ANKAR: variants seen among roughly 807,000 people sequenced by gnomAD.
ANKAR encodes ankyrin and armadillo repeat-containing protein.
Under a neutral mutation model 146.2 loss-of-function variants are expected in ANKAR, and 136 were observed. The ratio of observed to expected loss-of-function variants is 0.93; its 90% confidence interval spans 0.81 to 1.07. The LOEUF (loss-of-function observed/expected upper bound fraction) is 1.07, where lower values mean the gene tolerates loss of function less well. Among genes scored for constraint, ANKAR ranks in the 50% least tolerant of loss-of-function variants. The pLI, the probability that ANKAR is intolerant of heterozygous loss-of-function variation, is 0.00. For synonymous variants in ANKAR, 500 were observed against 575.8 expected (o/e 0.87, Z 1.88); for missense variants, 1,567 against 1,679.9 (o/e 0.93, Z 1.18).
intron 2 of ANKAR, among the ~76,000 whole-genome samples, chr2:189,681,926 T>C (rs2034752771): frequency 6.6e-6 from 1 of 152,222 alleles, no homozygotes; most frequent in Non-Finnish European, 1.5e-5. Flanking sequence ...TTGGCTTATC[T>C]CTACTGCAAC....
At position 189,715,326 on chromosome 2, in the gene ANKAR, C is replaced by A. The variant is rs1472250799; in HGVS notation, c.2224+4173C>A. ...CTATAAACACCCCTACACAAATAAACCAGAAAATCTAGAAGAAATGGATAA... is the reference window on the plus strand; with the variant it reads ...CTATAAACACCCCTACACAAATAAAACAGAAAATCTAGAAGAAATGGATAA... On this transcript the variant is annotated intron_variant, in intron 10 of 22. Transcript: ENST00000684021. 2.0e-5 allele frequency among the ~76,000 whole-genome samples: 3 copies of A among 152,130 alleles called. 1 individual carries two copies. The South Asian group carries it at 6.2e-4, about 31-fold the overall frequency.
rs1247130934 is a variant in ANKAR, at chr2:189,727,895, T to A, written c.2675T>A (p.Val892Asp). 3 of 1,613,972 alleles carry A rather than the reference T, an allele frequency of 1.9e-6. No individual in the cohort carries two copies. Among genetic ancestry groups the A allele is most frequent in the Non-Finnish European group, 2.5e-6 (3 of 1,179,926 alleles). The change falls in exon 13 of 23, where the codon GTT becomes GAT. Residue 892 changes from valine to aspartate, a missense_variant. By Grantham distance (152) the Val-to-Asp change is radical. Coordinates refer to ENST00000684021, the MANE Select transcript of ANKAR (RefSeq NM_001378068.1). ...KAVSSAAIAEVGRDNKEIQDA... is the reference protein window; with the variant it reads ...KAVSSAAIAEDGRDNKEIQDA... Reference sequence around the variant, plus strand: ...GTATCTTCTGCTGCAATTGCTGAGGTTGGGCGTGACAATAAGGAAATTCAG... The same window carrying A: ...GTATCTTCTGCTGCAATTGCTGAGGATGGGCGTGACAATAAGGAAATTCAG...
intron 5 of ANKAR, 73 bp downstream of exon 5, chr2:189,693,250 A>G: frequency 1.1e-6 from 1 of 945,402 alleles, no homozygotes; most frequent in African/African-American, 1.7e-5. Context: ...AGAAAATGAC[A>G]AAATGCAAAG....
intron 18 of ANKAR, chr2:189,755,210 T>C: frequency 6.2e-7 from 1 of 1,611,742 alleles, no homozygotes; most frequent in East Asian, 2.2e-5. Context: ...GTCCAAAGAC[T>C]TTCCAAGAAG....
rs571664932 is a variant in ANKAR, at chr2:189,715,300, A to T, written c.2224+4147A>T. Among the ~76,000 whole-genome samples the T allele has an allele frequency of 5.3e-5, 8 of 152,336 alleles. 1 individual carries two copies. The East Asian group carries it at 1.5e-3, about 29-fold the overall frequency. Reference sequence around the variant, plus strand: ...GAAATACATACTACCATCAGAGAATACTATAAACACCCCTACACAAATAAA... The same window carrying T: ...GAAATACATACTACCATCAGAGAATTCTATAAACACCCCTACACAAATAAA... On this transcript the variant is annotated intron_variant, in intron 10 of 22. Transcript: ENST00000684021.
At chr2:189,685,546 C>A (rs1205930512) in intron 2 of ANKAR, among the ~76,000 whole-genome samples, 1 of 152,170 alleles carries the variant, frequency 6.6e-6, no homozygotes, top group East Asian at 1.9e-4. Flanking sequence ...AATTCCAGTG[C>A]TTCTTTCATC....
At chr2:189,749,244 TAAAAA>T (rs397987026), downstream of ANKAR, among the ~76,000 whole-genome samples, 3 of 63,254 alleles carry the variant, frequency 4.7e-5, no homozygotes, top group Non-Finnish European at 8.0e-5. Flanking sequence ...AGACTCTGTC[TAAAAA>T]AAAAAAAAAA....
rs767081400 is a variant in ANKAR, at chr2:189,720,719, ACAAT to A, written c.2571_2574del (p.Asn857LysfsTer4). On this transcript the variant is annotated frameshift_variant, in exon 12 of 23. Transcript: ENST00000684021. LOFTEE classifies it high-confidence loss of function. ...CGGGTATTGTGTATAGGAAATGAAA[ACAAT>A]CAAAGAGCTGTGAGAGAACATAAAG... The A allele has an allele frequency of 2.5e-5, 38 of 1,522,314 alleles. No homozygotes were observed. Among genetic ancestry groups the A allele is most frequent in the Non-Finnish European group, 3.1e-5 (35 of 1,139,654 alleles). The allele number at this position is 1,522,314 out of a possible 1,614,324, so 94.3% of individuals were successfully genotyped here. A position where few individuals can be genotyped will look rare whatever the true frequency, so the allele number is the denominator to read the frequency against.
rs73979051 is a variant in ANKAR, at chr2:189,719,559, C to T, written c.2225-13C>T. On this transcript the variant is annotated splice_polypyrimidine_tract_variant and intron_variant, in intron 10 of 22. Coordinates refer to ENST00000684021, the MANE Select transcript of ANKAR (RefSeq NM_001378068.1). Reference sequence around the variant, plus strand: ...ATTCATGCTTTTTAATTTTTTTGCTCTTGTCATTACAGGCACCATTCCTGC... The same window carrying T: ...ATTCATGCTTTTTAATTTTTTTGCTTTTGTCATTACAGGCACCATTCCTGC... The T allele has an allele frequency of 2.7e-4, 428 of 1,559,040 alleles. 1 individual carries two copies. In the African/African-American group the frequency reaches 5.0e-3, roughly 18 times the overall value.
chr2:189,703,720 G>A (rs1305003792), intron 7 of ANKAR, among the ~76,000 whole-genome samples: 1 of 152,190 alleles, frequency 6.6e-6, no homozygotes, highest in Non-Finnish European at 1.5e-5. Flanking sequence ...ACAATGAGAA[G>A]GTTCCAAAGG....
intron 2 of ANKAR, among the ~76,000 whole-genome samples, chr2:189,680,786 C>A (rs2034531030): frequency 6.6e-6 from 1 of 151,966 alleles, no homozygotes; most frequent in Non-Finnish European, 1.5e-5. Context: ...CCACTGTGGT[C>A]TGAGAGGATA....
chr2:189,718,011 A>C (rs1313304286), intron 10 of ANKAR, among the ~76,000 whole-genome samples: 1 of 152,166 alleles, frequency 6.6e-6, no homozygotes, highest in Non-Finnish European at 1.5e-5. Flanking sequence ...GGGTGCAGCA[A>C]ACCAACATAG....
chr2:189,697,554 A>G (rs1344955714), intron 7 of ANKAR, among the ~76,000 whole-genome samples: 1 of 152,182 alleles, frequency 6.6e-6, no homozygotes, highest in Admixed American at 6.6e-5. Context: ...TTTGATATTC[A>G]GATTCTTCTG....
In ANKAR at chr2:189,744,736, T is replaced by C. The variant is rs1314650464; in HGVS notation, c.4011-6T>C. 5.7e-6 allele frequency: 9 copies of C among 1,585,160 alleles called. No individual in the cohort carries two copies. Among genetic ancestry groups the C allele is most frequent in the African/African-American group, 2.7e-5 (2 of 73,844 alleles). On this transcript the variant is annotated splice_polypyrimidine_tract_variant and splice_region_variant and intron_variant, in intron 21 of 22. Transcript: ENST00000684021. ...TATTTTAATGACAAAAATGTTTTCC[T>C]TTTAGTCTGGAGAAGAATGGAGGAC...
At chr2:189,688,530 ATC>A (rs1329678055) in intron 2 of ANKAR, among the ~76,000 whole-genome samples, 4 of 152,186 alleles carry the variant, frequency 2.6e-5, no homozygotes, top group African/African-American at 9.7e-5. Flanking sequence ...ATTGCAATGA[ATC>A]TGTATATTTC....
At chr2:189,741,788 G>C (rs2105895711) in intron 20 of ANKAR, among the ~76,000 whole-genome samples, 1 of 152,104 alleles carries the variant, frequency 6.6e-6, no homozygotes, top group Middle Eastern at 3.4e-3. Flanking sequence ...GATTTAAAAA[G>C]AACTACCTGT....
intron 18 of ANKAR, among the ~76,000 whole-genome samples, chr2:189,760,620 G>C (rs1472786223): frequency 1.3e-5 from 2 of 151,914 alleles, no homozygotes; most frequent in East Asian, 1.9e-4. Flanking sequence ...GTGAAACCCC[G>C]TCTCTACTAA....
intron 2 of ANKAR, among the ~76,000 whole-genome samples, chr2:189,678,095 C>T (rs1252531083): frequency 2.0e-5 from 3 of 152,048 alleles, no homozygotes; most frequent in South Asian, 2.1e-4. Flanking sequence ...ACATCCATGC[C>T]GACATGTATT....
intron 4 of ANKAR, 31 bp downstream of exon 4, chr2:189,692,449 C>A: frequency 6.3e-7 from 1 of 1,576,412 alleles, no homozygotes; most frequent in South Asian, 1.2e-5. Flanking sequence ...GACAATTTAT[C>A]ATTTCACAAC....
Sources: allele counts gnomAD v4.1 joint callset (sites outside exome capture counted in the v4.1 genomes callset), GRCh38; gene constraint gnomAD v4.1.1; transcripts MANE v1.5; gene names NCBI Gene and HGNC (gene_info 2026-07-23, HGNC 2026-07-21).